Variants in MGMT observed in about 807,000 individuals in gnomAD.
MGMT encodes O-6-methylguanine-DNA methyltransferase, also known as methylated-DNA--protein-cysteine methyltransferase.
Under a neutral mutation model 15.9 loss-of-function variants are expected in MGMT, and 14 were observed. The ratio of observed to expected loss-of-function variants is 0.88; its 90% CI spans 0.58 to 1.37. MGMT has a LOEUF of 1.37. MGMT is among the 40% of genes most tolerant of loss of function. The probability of loss-of-function intolerance (pLI) is 0.00; values close to 1 mark genes in which losing one functional copy is unlikely to be tolerated. For synonymous variants in MGMT, 130 were observed against 118.2 expected, an observed-to-expected ratio of 1.10 and a Z score of -0.65; for missense variants, 282 against 268.1, an observed-to-expected ratio of 1.05 and a Z score of -0.36.
chr10:129,614,500 C>T lies in MGMT; in HGVS notation c.125+78123C>T, dbSNP rs538903548. 4.6e-5 allele frequency among the ~76,000 whole-genome samples: 7 copies of T among 152,250 alleles called. No individual in the cohort carries two copies. In the South Asian group the frequency reaches 1.0e-3, roughly 23 times the overall value. On this transcript the variant is annotated intron_variant, in intron 2 of 4. Transcript: ENST00000651593. ...TCAGAGTGTGTTCCTGGCCCTGACA[C>T]GTGCTCGGCGGCTGGTTTTTCTCCT...
chr10:129,735,636 C>G (rs1296469971), intron 3 of MGMT, among the ~76,000 whole-genome samples: 5 of 131,846 alleles, frequency 3.8e-5, no homozygotes, highest in African/African-American at 1.5e-4. Context: ...TTTTCTAGTT[C>G]TTTTAATTGT....
At chr10:129,511,446 T>C (rs1174909454) in intron 1 of MGMT, among the ~76,000 whole-genome samples, 2 of 149,912 alleles carry the variant, frequency 1.3e-5, no homozygotes, top group Admixed American at 1.3e-4. Context: ...AGCCACATGC[T>C]TCATGTGATG....
At chr10:129,678,336 T>G (rs1418789164) in intron 2 of MGMT, among the ~76,000 whole-genome samples, 3 of 151,932 alleles carry the variant, frequency 2.0e-5, no homozygotes, top group Non-Finnish European at 4.4e-5. Flanking sequence ...AGGGACACTT[T>G]TCCAGGCCCC....
chr10:129,683,534 TC>T (rs144618285), intron 2 of MGMT, among the ~76,000 whole-genome samples: 13,931 of 152,282 alleles, frequency 0.091, 916 homozygotes, highest in Admixed American at 0.18. Flanking sequence ...ATGGAAAACT[TC>T]CTGACGTTGA....
At chr10:129,724,565 G>T (rs967899307) in intron 3 of MGMT, among the ~76,000 whole-genome samples, 9 of 152,120 alleles carry the variant, frequency 5.9e-5, no homozygotes, top group African/African-American at 2.2e-4. Context: ...AAGGAAAAAA[G>T]AACCATAAAT....
chr10:129,679,512 T>A (rs1847824087), intron 2 of MGMT, among the ~76,000 whole-genome samples: 1 of 152,202 alleles, frequency 6.6e-6, no homozygotes. Flanking sequence ...TATGTTTCAA[T>A]GGAAATGTAT....
At chr10:129,636,485 C>T (rs1847266503) in intron 2 of MGMT, among the ~76,000 whole-genome samples, 1 of 152,190 alleles carries the variant, frequency 6.6e-6, no homozygotes, top group South Asian at 2.1e-4. Flanking sequence ...TGAAAGAAGG[C>T]CTTAATGCTG....
intron 2 of MGMT, among the ~76,000 whole-genome samples, chr10:129,680,757 C>T (rs944742396): frequency 7.2e-5 from 11 of 152,232 alleles, no homozygotes; most frequent in African/African-American, 2.4e-4. Flanking sequence ...CCTTTGCCCC[C>T]GTGGGGACGT....
At chr10:129,506,150 A>G (rs968562861) in intron 1 of MGMT, among the ~76,000 whole-genome samples, 3 of 151,860 alleles carry the variant, frequency 2.0e-5, no homozygotes, top group Non-Finnish European at 4.4e-5. Flanking sequence ...CAGTGGGTGG[A>G]GGCCAGGGAT....
intron 1 of MGMT, among the ~76,000 whole-genome samples, chr10:129,528,627 C>T (rs1462104811): frequency 6.6e-6 from 1 of 150,536 alleles, no homozygotes; most frequent in Non-Finnish European, 1.5e-5. Flanking sequence ...CCCAAAGAGA[C>T]CTGCCGTGTG....
chr10:129,568,190 T>TC (rs1376020859), intron 2 of MGMT, among the ~76,000 whole-genome samples: 1 of 152,256 alleles, frequency 6.6e-6, no homozygotes, highest in African/African-American at 2.4e-5. Flanking sequence ...TGTAGAGGCC[T>TC]CCAGGCCTCC....
intron 2 of MGMT, among the ~76,000 whole-genome samples, chr10:129,629,138 A>G (rs1847183296): frequency 6.6e-6 from 1 of 152,178 alleles, no homozygotes; most frequent in African/African-American, 2.4e-5. Flanking sequence ...TACCTTCCCC[A>G]GGTCTGTGGC....
intron 3 of MGMT, among the ~76,000 whole-genome samples, chr10:129,718,528 A>G (rs1848327701): frequency 6.6e-6 from 1 of 151,438 alleles, no homozygotes; most frequent in African/African-American, 2.4e-5. Flanking sequence ...AGTGTCTCTG[A>G]GCAGCTGTGG....
intron 3 of MGMT, among the ~76,000 whole-genome samples, chr10:129,751,276 G>C (rs892101096): frequency 6.6e-6 from 1 of 151,952 alleles, no homozygotes; most frequent in Admixed American, 6.6e-5. Flanking sequence ...AGTTTTTGAT[G>C]CATTGGTCTA....
intron 2 of MGMT, among the ~76,000 whole-genome samples, chr10:129,699,180 G>T (rs547066919): frequency 1.3e-5 from 2 of 151,898 alleles, no homozygotes; most frequent in Non-Finnish European, 2.9e-5. Context: ...GGAGGGGGGA[G>T]GTAAATAGGC....
intron 2 of MGMT, among the ~76,000 whole-genome samples, chr10:129,657,006 C>T (rs1205253562): frequency 6.6e-6 from 1 of 152,160 alleles, no homozygotes; most frequent in African/African-American, 2.4e-5. Flanking sequence ...TCTAAGACAT[C>T]TAAAGCTGCC....
intron 3 of MGMT, among the ~76,000 whole-genome samples, chr10:129,712,844 C>T (rs776814686): frequency 4.6e-5 from 7 of 152,204 alleles, no homozygotes; most frequent in Non-Finnish European, 1.0e-4. Context: ...GCTGCCTACT[C>T]ACATCCAGGA....
At chr10:129,530,529 T>C (rs1845919310) in intron 1 of MGMT, among the ~76,000 whole-genome samples, 1 of 152,176 alleles carries the variant, frequency 6.6e-6, no homozygotes, top group Non-Finnish European at 1.5e-5. Context: ...CTGGTTTGTT[T>C]CCCGTTATTT....
intron 3 of MGMT, among the ~76,000 whole-genome samples, chr10:129,708,839 T>C (rs1848198346): frequency 6.7e-6 from 1 of 150,042 alleles, no homozygotes; most frequent in Non-Finnish European, 1.5e-5. Context: ...ATGTGGTGAA[T>C]TTAAAGCAAT....
Sources: gnomAD v4.1 joint callset for allele counts (sites outside exome capture counted in the v4.1 genomes callset) on GRCh38, gnomAD v4.1.1 for gene constraint, MANE v1.5 for transcripts, NCBI Gene and HGNC (gene_info 2026-07-23, HGNC 2026-07-21) for gene names.